PRKCA: variants seen among roughly 807,000 people sequenced by gnomAD.
The protein encoded by PRKCA is protein kinase C alpha type.
A neutral mutation model predicts 87.0 loss-of-function variants in PRKCA; 27 were observed. The ratio of observed to expected loss-of-function variants is 0.31; its 90% CI spans 0.23 to 0.43. PRKCA has a LOEUF of 0.43. PRKCA is among the 20% of genes least tolerant of loss of function. The pLI, the probability that PRKCA is intolerant of heterozygous loss-of-function variation, is 1.00. For synonymous variants in PRKCA, 329 were observed against 311.1 expected (o/e 1.06, Z -0.61); for missense variants, 518 against 852.3 (o/e 0.61, Z 4.88).
chr17:66,378,924 A>G (rs930760494), intron 2 of PRKCA, among the ~76,000 whole-genome samples: 6 of 151,790 alleles, frequency 4.0e-5, no homozygotes, highest in African/African-American at 1.5e-4. Context: ...AAGTAATGAT[A>G]TAATATGTGG....
At chr17:66,620,961 AATAAGT>A (rs1180717153) in intron 3 of PRKCA, among the ~76,000 whole-genome samples, 1 of 152,204 alleles carries the variant, frequency 6.6e-6, no homozygotes, top group Non-Finnish European at 1.5e-5. Flanking sequence ...ATGGGGTAAA[AATAAGT>A]CTTTATCCAT....
chr17:66,480,968 G>C (rs182294568), intron 2 of PRKCA, among the ~76,000 whole-genome samples: 1 of 152,020 alleles, frequency 6.6e-6, no homozygotes, highest in Non-Finnish European at 1.5e-5. Context: ...GTTTGCATGA[G>C]GTGGCCCAAG....
At chr17:66,420,611 C>T (rs1005638216) in intron 2 of PRKCA, among the ~76,000 whole-genome samples, 2 of 152,042 alleles carry the variant, frequency 1.3e-5, no homozygotes, top group East Asian at 1.9e-4. Flanking sequence ...GTTCTGTGGA[C>T]GGTTAAGGTA....
chr17:66,428,305 G>A (rs752264877), intron 2 of PRKCA, among the ~76,000 whole-genome samples: 1 of 152,248 alleles, frequency 6.6e-6, no homozygotes, highest in South Asian at 2.1e-4. Context: ...TTCCAGCACC[G>A]ATATCGAGCT....
At position 66,587,862 on chromosome 17, in the gene PRKCA, CATAT is replaced by C. The variant is rs1175881518; in HGVS notation, c.289-53492_289-53489del. 1.5e-3 allele frequency among the ~76,000 whole-genome samples: 76 copies of C among 51,920 alleles called. 3 individuals carry two copies. The highest frequency in any genetic ancestry group is 2.7e-3 in the African/African-American group (39 of 14,220). The allele number at this position is 51,920 out of a possible 152,430, so 34.1% of individuals were successfully genotyped here. ...GTGTGTATCTACATATACATATATACATATGTATGTGTGTGTGTGTGTGTGTGTG... is the reference window on the plus strand; with the variant it reads ...GTGTGTATCTACATATACATATATACGTATGTGTGTGTGTGTGTGTGTGTG... On this transcript the variant is annotated intron_variant, in intron 3 of 16. Transcript: ENST00000413366.
intron 8 of PRKCA, among the ~76,000 whole-genome samples, chr17:66,718,110 C>T (rs1973521755): frequency 6.6e-6 from 1 of 152,186 alleles, no homozygotes; most frequent in African/African-American, 2.4e-5. Flanking sequence ...TTAGTCCACT[C>T]GGGCTGCTAT....
chr17:66,798,510 C>T (rs12939612), intron 16 of PRKCA, among the ~76,000 whole-genome samples: 4 of 458 alleles, frequency 8.7e-3, no homozygotes, highest in African/African-American at 0.013. Context: ...GTGGTGGTGA[C>T]GGTGGTGACG....
chr17:66,424,321 C>T (rs1912659845), intron 2 of PRKCA, among the ~76,000 whole-genome samples: 1 of 152,074 alleles, frequency 6.6e-6, no homozygotes, highest in South Asian at 2.1e-4. Context: ...CGCCTGTAAT[C>T]CCAGCACTTT....
At chr17:66,739,989 A>G (rs1208880031) in intron 11 of PRKCA, among the ~76,000 whole-genome samples, 1 of 152,106 alleles carries the variant, frequency 6.6e-6, no homozygotes, top group Non-Finnish European at 1.5e-5. Context: ...AGCTGTAGTT[A>G]GGGCTAGACC....
intron 13 of PRKCA, among the ~76,000 whole-genome samples, chr17:66,744,419 A>G (rs997845356): frequency 2.0e-5 from 3 of 152,256 alleles, no homozygotes; most frequent in African/African-American, 7.2e-5. Flanking sequence ...AATTCAGCAG[A>G]TGATGTAAAA....
In PRKCA at chr17:66,709,500, G is replaced by A. The variant is rs190906589; in HGVS notation, c.918+20453G>A. On this transcript the variant is annotated intron_variant, in intron 8 of 16. Transcript: ENST00000413366. The stretch of plus-strand genomic sequence containing the variant: ...TAATTTTGTATTTTAGTAGAGACAA[G>A]GTTTCACCATGCTGGCCAGGCTGGT... Among the ~76,000 whole-genome samples the A allele has an allele frequency of 2.0e-3, 300 of 151,522 alleles. 1 individual carries two copies. The highest frequency in any genetic ancestry group is 6.9e-3 in the African/African-American group (284 of 41,336).
At chr17:66,488,036 G>A (rs1319828449) in intron 2 of PRKCA, among the ~76,000 whole-genome samples, 3 of 152,072 alleles carry the variant, frequency 2.0e-5, no homozygotes, top group Non-Finnish European at 4.4e-5. Flanking sequence ...ATGCCCTGTA[G>A]CATAAAACCC....
At chr17:66,735,421 G>A (rs1206512030) in intron 9 of PRKCA, 68 bp from the exon 10 acceptor site, 4 of 1,560,546 alleles carry the variant, frequency 2.6e-6, no homozygotes, top group Non-Finnish European at 3.5e-6. Flanking sequence ...CACCTGGCCT[G>A]GTTCCTTCCC....
chr17:66,685,928 C>T (rs190425467), intron 5 of PRKCA, among the ~76,000 whole-genome samples: 51 of 152,308 alleles, frequency 3.3e-4, no homozygotes, highest in African/African-American at 1.2e-3. Flanking sequence ...GACCTCACCC[C>T]AGAGTTCTGA....
At chr17:66,407,529 T>C (rs753865428) in intron 2 of PRKCA, among the ~76,000 whole-genome samples, 3 of 152,152 alleles carry the variant, frequency 2.0e-5, no homozygotes, top group Non-Finnish European at 2.9e-5. Context: ...TCTTTATAAA[T>C]TACCTAGTCA....
intron 8 of PRKCA, among the ~76,000 whole-genome samples, chr17:66,707,196 A>G (rs992304675): frequency 1.3e-5 from 2 of 152,104 alleles, no homozygotes; most frequent in Non-Finnish European, 2.9e-5. Context: ...CGTCAGTCCT[A>G]GGCTTTTCAA....
intron 2 of PRKCA, among the ~76,000 whole-genome samples, chr17:66,466,882 A>T (rs1211766571): frequency 6.6e-6 from 1 of 152,128 alleles, no homozygotes. Flanking sequence ...TTTAAAAAAA[A>T]AAAAGACTTA....
intron 2 of PRKCA, among the ~76,000 whole-genome samples, chr17:66,418,964 G>A (rs1912337388): frequency 6.7e-6 from 1 of 149,956 alleles, no homozygotes; most frequent in Non-Finnish European, 1.5e-5. Flanking sequence ...GTTTCACCGT[G>A]TTAGCCAGTA....
chr17:66,446,685 G>A (rs914966684), intron 2 of PRKCA, among the ~76,000 whole-genome samples: 10 of 152,310 alleles, frequency 6.6e-5, no homozygotes, highest in African/African-American at 2.4e-4. Flanking sequence ...CTCCAAGGCA[G>A]CACTGCCCTG....
Sources: allele counts gnomAD v4.1 joint callset (sites outside exome capture counted in the v4.1 genomes callset), GRCh38; gene constraint gnomAD v4.1.1; transcripts MANE v1.5; gene names NCBI Gene and HGNC (gene_info 2026-07-23, HGNC 2026-07-21).